The following BIN2 variants were observed in gnomAD, a reference collection of about 807,000 sequenced individuals.
The protein encoded by BIN2 is breast cancer associated protein BRAP1.
Under a neutral mutation model 67.9 loss-of-function variants are expected in BIN2, and 43 were observed. The ratio of observed to expected loss-of-function variants is 0.63; its 90% CI spans 0.50 to 0.82. BIN2 has a LOEUF of 0.82. Ranked by LOEUF, BIN2 falls within the 40% of genes least tolerant of loss-of-function variation. The pLI is 0.00. For missense variants in BIN2, 581 were observed against 671.6 expected, an observed-to-expected ratio of 0.87 and a Z score of 1.49; for synonymous variants, 244 against 246.8, an observed-to-expected ratio of 0.99 and a Z score of 0.11.
At chr12:51,305,124 G>A (rs972210808) in intron 2 of BIN2, among the ~76,000 whole-genome samples, 15 of 151,500 alleles carry the variant, frequency 9.9e-5, no homozygotes, top group Non-Finnish European at 1.6e-4. Context: ...ATCACCCGAG[G>A]TCAGGAGTTT....
At chr12:51,310,851 G>C (rs1222608269) in intron 2 of BIN2, among the ~76,000 whole-genome samples, 1 of 151,756 alleles carries the variant, frequency 6.6e-6, no homozygotes, top group Non-Finnish European at 1.5e-5. Flanking sequence ...GCCTCGACCT[G>C]AGACTCAGTC....
At chr12:51,301,204 C>A (rs1945712896) in intron 5 of BIN2, among the ~76,000 whole-genome samples, 1 of 151,638 alleles carries the variant, frequency 6.6e-6, no homozygotes, top group Non-Finnish European at 1.5e-5. Context: ...GGCAACAGAG[C>A]AAGACTCCAT....
At chr12:51,283,378 T>C (rs926278810) in intron 12 of BIN2, among the ~76,000 whole-genome samples, 1 of 152,136 alleles carries the variant, frequency 6.6e-6, no homozygotes, top group African/African-American at 2.4e-5. Context: ...ACAGGTCCAT[T>C]TGTGGTAGTG....
In BIN2 at chr12:51,323,896, A is replaced by G. The variant is rs1946357177; in HGVS notation, c.81+126T>C. The stretch of plus-strand genomic sequence containing the variant: ...TCCCGTTTCCCTGGGAGAGCGGGAG[A>G]CCCTTCTCGTCAGCCCAGACCCTTC... On this transcript the variant is annotated intron_variant, in intron 1 of 12. Transcript: ENST00000615107. 6 of 1,121,142 alleles carry G rather than the reference A, an allele frequency of 5.4e-6. No individual in the cohort carries two copies. In the South Asian group the frequency reaches 1.0e-4, roughly 19 times the overall value. The allele number at this position is 1,121,142 out of a possible 1,614,324, so 69.4% of individuals were successfully genotyped here.
intron 1 of BIN2, among the ~76,000 whole-genome samples, chr12:51,320,849 G>C (rs1012938084): frequency 2.6e-5 from 4 of 151,440 alleles, no homozygotes; most frequent in African/African-American, 9.7e-5. Context: ...CTTCTCAGGG[G>C]GATCTGAGAG....
chr12:51,316,391 G>T (rs1433743636), intron 1 of BIN2, among the ~76,000 whole-genome samples: 1 of 152,042 alleles, frequency 6.6e-6, no homozygotes, highest in Non-Finnish European at 1.5e-5. Flanking sequence ...AGCTACTTGG[G>T]AGGCTGAGGC....
intron 2 of BIN2, among the ~76,000 whole-genome samples, chr12:51,306,368 T>G (rs1945866183): frequency 6.6e-6 from 1 of 152,206 alleles, no homozygotes; most frequent in African/African-American, 2.4e-5. Flanking sequence ...AGCTCAAATC[T>G]GTAATCCTAG....
intron 1 of BIN2, among the ~76,000 whole-genome samples, chr12:51,314,260 C>T (rs1946069563): frequency 6.6e-6 from 1 of 151,708 alleles, no homozygotes; most frequent in Non-Finnish European, 1.5e-5. Context: ...GTTGGCCAGG[C>T]TGATCTCGAA....
intron 7 of BIN2, among the ~76,000 whole-genome samples, chr12:51,298,058 C>G (rs1254572625): frequency 6.6e-6 from 1 of 150,672 alleles, no homozygotes; most frequent in Non-Finnish European, 1.5e-5. Context: ...CCAGCCTGTC[C>G]AACAGGGTGA....
At chr12:51,323,435 G>A (rs569995859) in intron 1 of BIN2, among the ~76,000 whole-genome samples, 3 of 152,294 alleles carry the variant, frequency 2.0e-5, no homozygotes, top group Admixed American at 1.3e-4. Flanking sequence ...CCTGGGAGGT[G>A]TACTCCCCAA....
intron 7 of BIN2, among the ~76,000 whole-genome samples, chr12:51,298,287 G>A (rs528024863): frequency 1.4e-4 from 21 of 152,136 alleles, no homozygotes; most frequent in South Asian, 4.1e-4. Flanking sequence ...CAGGAGAATC[G>A]CTTGAATCCG....
At chr12:51,323,474 T>C (rs1482317307) in intron 1 of BIN2, among the ~76,000 whole-genome samples, 2 of 152,130 alleles carry the variant, frequency 1.3e-5, no homozygotes, top group Admixed American at 6.5e-5. Flanking sequence ...AGAAGCAGAT[T>C]TGGGCTCCTG....
At chr12:51,309,273 C>A (rs529174294) in intron 2 of BIN2, among the ~76,000 whole-genome samples, 119 of 152,120 alleles carry the variant, frequency 7.8e-4, no homozygotes, top group African/African-American at 2.7e-3. Flanking sequence ...AAAAAAAATC[C>A]TTGACCTTGT....
intron 3 of BIN2, 110 bp downstream of exon 3, chr12:51,302,977 G>T: frequency 1.5e-6 from 2 of 1,333,926 alleles, no homozygotes; most frequent in Non-Finnish European, 2.2e-6. Flanking sequence ...GTCAAGAGTA[G>T]TCAAATGATA....
chr12:51,285,684 C>T (rs1376626937), intron 11 of BIN2, among the ~76,000 whole-genome samples: 2 of 146,754 alleles, frequency 1.4e-5, no homozygotes, highest in African/African-American at 2.5e-5. Context: ...AGTGCAGTGG[C>T]GTGATCTTGG....
intron 12 of BIN2, among the ~76,000 whole-genome samples, chr12:51,283,243 G>A (rs533410568): frequency 1.0e-4 from 14 of 138,268 alleles, no homozygotes; most frequent in African/African-American, 3.2e-4. Context: ...CAGCCTGGGC[G>A]ACCGAGAGAG....
intron 1 of BIN2, among the ~76,000 whole-genome samples, chr12:51,317,484 A>G (rs554377775): frequency 6.6e-6 from 1 of 151,816 alleles, no homozygotes; most frequent in Admixed American, 6.6e-5. Flanking sequence ...CCTGACCAAC[A>G]TGGTGAAACC....
rs1946245219 is a variant in BIN2, at chr12:51,320,611, TC to T, written c.81+3410del. On this transcript the variant is annotated intron_variant, in intron 1 of 12. Transcript: ENST00000615107. ...TCTGAATAGACCTGCATCTCTCAGGTCAGTTATTTTATTATCATTATTCTTT... is the reference window on the plus strand; with the variant it reads ...TCTGAATAGACCTGCATCTCTCAGGTAGTTATTTTATTATCATTATTCTTT... 4.7e-5 allele frequency among the ~76,000 whole-genome samples: 7 copies of T among 149,632 alleles called. No homozygotes were observed. The South Asian group carries it at 1.5e-3, about 32-fold the overall frequency.
chr12:51,293,535 A>G (rs1945449546), intron 9 of BIN2, among the ~76,000 whole-genome samples: 1 of 152,042 alleles, frequency 6.6e-6, no homozygotes, highest in African/African-American at 2.4e-5. Context: ...GATGGTCTCG[A>G]TCTCTTGACC....
Sources: allele counts gnomAD v4.1 joint callset (sites outside exome capture counted in the v4.1 genomes callset), GRCh38; gene constraint gnomAD v4.1.1; transcripts MANE v1.5; gene names NCBI Gene and HGNC (gene_info 2026-07-23, HGNC 2026-07-21).